The following MTARC1 variants were observed in gnomAD, a reference collection of about 807,000 sequenced individuals.
The protein encoded by MTARC1 is mitochondrial amidoxime-reducing component 1.
A neutral mutation model predicts 33.6 loss-of-function variants in MTARC1; 24 were observed. The observed-to-expected ratio is 0.72, with a 90% CI of 0.52 to 1.01. MTARC1 has a LOEUF of 1.01. Ranked by LOEUF, MTARC1 falls within the 50% of genes least tolerant of loss-of-function variation. MTARC1 has a pLI of 0.00. For synonymous variants in MTARC1, 187 were observed against 189.5 expected, an observed-to-expected ratio of 0.99 and a Z score of 0.11; for missense variants, 417 against 445.7, an observed-to-expected ratio of 0.94 and a Z score of 0.58.
Position 220,806,711 on chromosome 1 carries a change from C to T in MTARC1, c.887+1437C>T, listed in dbSNP as rs554310364. ...CTGTCATCCCCGCTGTCACCTCACC[C>T]CTGAGCATGAGGCTGTGGCCTGACC... On this transcript the variant is annotated intron_variant, in intron 6 of 6. Transcript: ENST00000366910. 9.2e-5 allele frequency among the ~76,000 whole-genome samples: 14 copies of T among 152,350 alleles called. No individual in the cohort carries two copies. The South Asian group carries it at 2.9e-3, about 32-fold the overall frequency.
chr1:220,804,423 T>C (rs1372027618), intron 4 of MTARC1, among the ~76,000 whole-genome samples: 1 of 152,346 alleles, frequency 6.6e-6, no homozygotes, highest in East Asian at 1.9e-4. Flanking sequence ...CTATCTTGGC[T>C]GCTGGATTGG....
chr1:220,798,681 G>A (rs949455345), intron 4 of MTARC1: 1 of 780,620 alleles, frequency 1.3e-6, no homozygotes, highest in African/African-American at 1.9e-5. Flanking sequence ...GAGGCATGGT[G>A]AGTGGCCACC....
intron 4 of MTARC1, chr1:220,798,816 A>G (rs1672699470): frequency 4.1e-6 from 4 of 980,390 alleles, no homozygotes; most frequent in Non-Finnish European, 4.8e-6. Context: ...ACGTCTGCCC[A>G]TTTCCTCCAT....
chr1:220,804,903 C>G, intron 4 of MTARC1, 149 bp from the exon 5 acceptor site: 1 of 825,390 alleles, frequency 1.2e-6, no homozygotes, highest in Middle Eastern at 3.2e-4. Context: ...GTGGGTATCA[C>G]TTGGCAGAGC....
chr1:220,798,461 G>T, intron 4 of MTARC1: 1 of 985,408 alleles, frequency 1.0e-6, no homozygotes, highest in Non-Finnish European at 1.2e-6. Context: ...TTGCCCCTAA[G>T]CTTCATGGCA....
intron 2 of MTARC1, chr1:220,793,133 A>C (rs914711348): frequency 2.4e-4 from 36 of 152,238 alleles, no homozygotes; most frequent in Admixed American, 1.9e-3. Context: ...TTATGTTAAA[A>C]AACATTTTGC....
chr1:220,788,269 G>T (rs1672306611), intron 1 of MTARC1, among the ~76,000 whole-genome samples: 1 of 152,168 alleles, frequency 6.6e-6, no homozygotes, highest in African/African-American at 2.4e-5. Flanking sequence ...CGGCAGCTTT[G>T]TCCTCTTTAG....
rs1672253439 is a variant in MTARC1 at position 220,786,997 on chromosome 1, C to T, written c.53C>T (p.Ser18Phe). 1.5e-6 allele frequency: 2 copies of T among 1,294,856 alleles called. No individual in the cohort carries two copies. The highest frequency in any genetic ancestry group is 1.9e-6 in the Non-Finnish European group (2 of 1,028,938). 80.2% of individuals were successfully genotyped at this position (1,294,856 alleles called of 1,614,324 possible). ...ALARFVLLAQ[S>F]RPGWLGVAAL... is the part of the protein sequence containing the mutation. ...GCGCGCTTTGTCCTCCTCGCGCAAT[C>T]CCGGCCCGGGTGGCTCGGGGTTGCC... The change falls in exon 1 of 7, where the codon TCC becomes TTC. Residue 18 changes from serine (S) to phenylalanine (F), a missense_variant. By Grantham distance (155) the Ser-to-Phe change is radical. Coordinates refer to ENST00000366910, the MANE Select transcript of MTARC1 (RefSeq NM_022746.4).
chr1:220,794,866 A>G (rs1185713881), intron 2 of MTARC1, among the ~76,000 whole-genome samples: 1 of 152,192 alleles, frequency 6.6e-6, no homozygotes, highest in African/African-American at 2.4e-5. Context: ...GTCATATACT[A>G]CAGCAGTGTA....
intron 4 of MTARC1, among the ~76,000 whole-genome samples, chr1:220,804,485 C>A (rs2102603189): frequency 6.6e-6 from 1 of 152,234 alleles, no homozygotes; most frequent in East Asian, 1.9e-4. Context: ...CTCCACTGAC[C>A]CAGCCCACAG....
chr1:220,804,938 G>T, intron 4 of MTARC1, 114 bp from the exon 5 acceptor site: 1 of 1,114,360 alleles, frequency 9.0e-7, no homozygotes, highest in Non-Finnish European at 1.4e-6. Flanking sequence ...ACAGAAGGCT[G>T]CCATCACTGA....
At chr1:220,800,292 G>T (rs1414546508) in intron 4 of MTARC1, among the ~76,000 whole-genome samples, 1 of 152,226 alleles carries the variant, frequency 6.6e-6, no homozygotes, top group Non-Finnish European at 1.5e-5. Flanking sequence ...CTTGTTTTTA[G>T]TAATTCACCC....
chr1:220,787,930 C>T (rs187711344), intron 1 of MTARC1, among the ~76,000 whole-genome samples: 1 of 152,212 alleles, frequency 6.6e-6, no homozygotes, highest in East Asian at 1.9e-4. Context: ...ATAGCTTGAA[C>T]CCGGGAGGTG....
In MTARC1 at chr1:220,815,061, A is replaced by G. The variant is rs898051115; in HGVS notation, c.*1643A>G. The G allele has an allele frequency of 1.3e-5, 2 of 152,242 alleles. No homozygotes were observed. Among genetic ancestry groups the G allele is most frequent in the Non-Finnish European group, 2.9e-5 (2 of 68,036 alleles). The allele number at this position is 152,242 out of a possible 1,614,324, so 9.4% of individuals were successfully genotyped here. On this transcript the variant is annotated 3_prime_UTR_variant, in exon 7 of 7. Transcript: ENST00000366910. ...ACAGTTTGTTTTCTGCATGCTTGGC[A>G]TGAGGTGAATAATTACATCAATTTT...
At chr1:220,798,252 C>T (rs1333721521) in intron 4 of MTARC1, 4 of 1,432,444 alleles carry the variant, frequency 2.8e-6, no homozygotes, top group Admixed American at 4.6e-5. Flanking sequence ...TCTAAGGCTT[C>T]TAAGGAGAAT....
chr1:220,808,996 GC>G, intron 6 of MTARC1: 1 of 452,534 alleles, frequency 2.2e-6, no homozygotes, highest in South Asian at 1.6e-5. Context: ...AAAACGTTTT[GC>G]TGGATGCACG....
rs7530176 is a variant in MTARC1, at chr1:220,816,040, G to A, written c.*2622G>A. The stretch of plus-strand genomic sequence containing the variant: ...ACGAAGGCAGAAAGAAATTGGGGAA[G>A]GGGAGGCTGTTGGAATTCAGGCCGT... On this transcript the variant is annotated 3_prime_UTR_variant, in exon 7 of 7. Coordinates refer to ENST00000366910, the MANE Select transcript of MTARC1 (RefSeq NM_022746.4). 0.29 allele frequency: 44,446 copies of A among 152,230 alleles called. 6,481 individuals carry two copies. Among genetic ancestry groups the A allele is most frequent in the Admixed American group, 0.31 (4,799 of 15,294 alleles). The allele number at this position is 152,230 out of a possible 1,614,324, so 9.4% of individuals were successfully genotyped here.
chr1:220,790,904 A>G (rs1000985148), intron 1 of MTARC1: 2 of 152,188 alleles, frequency 1.3e-5, no homozygotes, highest in African/African-American at 4.8e-5. Flanking sequence ...GAAGAAAAAA[A>G]TACTGTCTAG....
At chr1:220,787,385 C>CA (rs1395040606) in intron 1 of MTARC1, among the ~76,000 whole-genome samples, 166 bp downstream of exon 1, 23 of 152,270 alleles carry the variant, frequency 1.5e-4, no homozygotes, top group African/African-American at 5.5e-4. Context: ...AAGGAACCCT[C>CA]ACCCCCCAGC....
Sources: allele counts gnomAD v4.1 joint callset (sites outside exome capture counted in the v4.1 genomes callset), GRCh38; gene constraint gnomAD v4.1.1; transcripts MANE v1.5; gene names NCBI Gene and HGNC (gene_info 2026-07-23, HGNC 2026-07-21).